The following KIF23 variants were observed in gnomAD, a reference collection of about 807,000 sequenced individuals.
The protein encoded by KIF23 is kinesin family member 23, also known as kinesin-like protein KIF23.
Under a neutral mutation model 137.5 loss-of-function variants are expected in KIF23, and 30 were observed. The observed-to-expected ratio is 0.22, with a 90% CI of 0.16 to 0.30. The LOEUF (loss-of-function observed/expected upper bound fraction) is 0.30. KIF23 is among the 10% of genes least tolerant of loss of function. The probability of loss-of-function intolerance (pLI) is 1.00; values close to 1 mark genes in which losing one functional copy is unlikely to be tolerated. For synonymous variants in KIF23, 367 were observed against 391.1 expected, an observed-to-expected ratio of 0.94 and a Z score of 0.73; for missense variants, 920 against 1,194.3, an observed-to-expected ratio of 0.77 and a Z score of 3.38.
chr15:69,418,567 G>C (rs926886612), intron 3 of KIF23, among the ~76,000 whole-genome samples: 2 of 152,048 alleles, frequency 1.3e-5, no homozygotes, highest in African/African-American at 4.8e-5. Context: ...GCTCCTATCA[G>C]TTATATTCCA....
Position 69,436,154 on chromosome 15 carries a change from C to G in KIF23, c.1331C>G (p.Ala444Gly). 6.2e-7 allele frequency: 1 copy of G among 1,612,904 alleles called. No individual in the cohort carries two copies. The highest frequency in any genetic ancestry group is 8.5e-7 in the Non-Finnish European group (1 of 1,179,654). Residue 444 changes from alanine to glycine, a missense_variant, in exon 14 of 24, where the codon GCG becomes GGG. Physicochemically the swap from Ala to Gly is moderately conservative, Grantham distance 60. Coordinates refer to ENST00000679126, the MANE Select transcript of KIF23 (RefSeq NM_001367805.3). Reference sequence around the variant, plus strand: ...GTGTTTTAGCAAGTCATGAGATTTGCGGAAGTGACTCAAGAAGTTGAAGTA... The same window carrying G: ...GTGTTTTAGCAAGTCATGAGATTTGGGGAAGTGACTCAAGAAGTTGAAGTA... The part of the protein sequence containing the change: ...YEENLQVMRF[A>G]EVTQEVEVAR...
At chr15:69,414,963 G>A (rs1342713451) in intron 1 of KIF23, 1 of 155,870 alleles carries the variant, frequency 6.4e-6, no homozygotes, top group Non-Finnish European at 1.4e-5. Flanking sequence ...GGTGATCGCC[G>A]CTAGCTTTTT....
intron 15 of KIF23, among the ~76,000 whole-genome samples, chr15:69,436,956 T>C (rs954000877): frequency 6.6e-6 from 1 of 152,162 alleles, no homozygotes; most frequent in African/African-American, 2.4e-5. Context: ...GGTTTCGCCA[T>C]GTAGGCCAGG....
chr15:69,416,146 G>C (rs999266892), intron 2 of KIF23, 83 bp downstream of exon 2: 46 of 848,934 alleles, frequency 5.4e-5, no homozygotes, highest in Non-Finnish European at 7.8e-5. Context: ...ATGCTTGGAA[G>C]GGAAAGAAGA....
intron 11 of KIF23, chr15:69,435,082 C>T (rs1007976327): frequency 2.0e-6 from 1 of 494,576 alleles, no homozygotes; most frequent in African/African-American, 1.9e-5. Flanking sequence ...TCCCCCACCC[C>T]CAGAAGCGGG....
intron 10 of KIF23, 70 bp from the exon 11 acceptor site, chr15:69,429,041 G>A: frequency 9.9e-7 from 1 of 1,006,088 alleles, no homozygotes; most frequent in Middle Eastern, 2.1e-4. Flanking sequence ...TTGTTGATAT[G>A]AATCTATTTA....
chr15:69,446,405 G>T (rs2057741127), intron 22 of KIF23, 41 bp downstream of exon 22: 1 of 1,525,926 alleles, frequency 6.6e-7, no homozygotes, highest in Non-Finnish European at 9.1e-7. Context: ...ACTAAAATTA[G>T]GTTTGTCATG....
Position 69,438,172 on chromosome 15 carries a change from T to G in KIF23, c.1598-76T>G, listed in dbSNP as rs2057527382. The G allele has an allele frequency of 2.4e-6, 3 of 1,263,480 alleles. No individual in the cohort carries two copies. In the African/African-American group the frequency reaches 4.5e-5, roughly 19 times the overall value. 78.3% of individuals were successfully genotyped at this position (1,263,480 alleles called of 1,614,324 possible). A position where few individuals can be genotyped will look rare whatever the true frequency, so the allele number is the denominator to read the frequency against. The stretch of plus-strand genomic sequence containing the variant: ...TGCTGAATAACTACATTTTATCTAG[T>G]GTCTGCTAGCAAAAGTTGATATCAT... On this transcript the variant is annotated intron_variant, in intron 15 of 23. Transcript: ENST00000679126.
rs34664771 is a variant in KIF23 at position 69,448,220 on chromosome 15, T to A, written c.*413T>A. On this transcript the variant is annotated 3_prime_UTR_variant, in exon 24 of 24. Coordinates refer to ENST00000679126, the MANE Select transcript of KIF23 (RefSeq NM_001367805.3). ...TTCTCCAGCCCTGGTCTGAATTTCT[T>A]AAGGTTTTATAAACAAATGCTGCTA... 6.5e-6 allele frequency: 1 copy of A among 153,790 alleles called. No individual in the cohort carries two copies. The highest frequency in any genetic ancestry group is 1.5e-5 in the Non-Finnish European group (1 of 68,794). The allele number at this position is 153,790 out of a possible 1,614,324, so 9.5% of individuals were successfully genotyped here.
intron 11 of KIF23, among the ~76,000 whole-genome samples, chr15:69,431,509 G>A (rs2140360738): frequency 6.6e-6 from 1 of 152,216 alleles, no homozygotes; most frequent in East Asian, 1.9e-4. Flanking sequence ...AGCTACTCGG[G>A]AGCCTGAGGC....
intron 2 of KIF23, among the ~76,000 whole-genome samples, chr15:69,416,788 CT>C (rs2056921957): frequency 6.6e-6 from 1 of 152,076 alleles, no homozygotes; most frequent in Non-Finnish European, 1.5e-5. Flanking sequence ...AACCCTGTCT[CT>C]ACTAAAATTA....
chr15:69,445,861 G>T, intron 20 of KIF23, 148 bp from the exon 21 acceptor site: 1 of 619,724 alleles, frequency 1.6e-6, no homozygotes, highest in Admixed American at 3.1e-5. Context: ...TATTTTGATA[G>T]TACGTACTCA....
At position 69,446,088 on chromosome 15, in the gene KIF23, A is replaced by G. The variant is rs760535171; in HGVS notation, c.2753A>G (p.Asn918Ser). The G allele has an allele frequency of 4.3e-6, 7 of 1,611,454 alleles. No individual in the cohort carries two copies. Among genetic ancestry groups the G allele is most frequent in the Non-Finnish European group, 5.9e-6 (7 of 1,177,616 alleles). The change falls in exon 21 of 24, where the codon AAT (asparagine) becomes AGT (serine). Residue 918 changes from asparagine (N) to serine (S), a missense_variant. Transcript: ENST00000679126. ...DIETLKQESP[N>S]GSRKRRSSTV... is the part of the protein sequence containing the mutation. Reference sequence around the variant, plus strand: ...GAGACTTTAAAGCAAGAATCACCAAATGGGTAAGTAACCATCAAAAATCTC... The same window carrying G: ...GAGACTTTAAAGCAAGAATCACCAAGTGGGTAAGTAACCATCAAAAATCTC...
At chr15:69,427,838 A>G (rs1412990327) in intron 10 of KIF23, among the ~76,000 whole-genome samples, 1 of 152,228 alleles carries the variant, frequency 6.6e-6, no homozygotes, top group Admixed American at 6.5e-5. Context: ...GCTCATTTCT[A>G]TTTATTTACC....
At chr15:69,417,359 T>G (rs927318944) in intron 2 of KIF23, 24 bp from the exon 3 acceptor site, 1 of 1,538,038 alleles carries the variant, frequency 6.5e-7, no homozygotes, top group African/African-American at 1.4e-5. Context: ...ACTTTCTTCT[T>G]AAAGCACCTT....
Position 69,446,611 on chromosome 15 carries a change from T to A in KIF23, c.2838+247T>A, listed in dbSNP as rs550990619. 2.0e-4 allele frequency: 122 copies of A among 615,240 alleles called. No homozygotes were observed. The African/African-American group carries it at 2.0e-3, about 10-fold the overall frequency. The allele number at this position is 615,240 out of a possible 1,614,324, so 38.1% of individuals were successfully genotyped here. A position where few individuals can be genotyped will look rare whatever the true frequency, so the allele number is the denominator to read the frequency against. On this transcript the variant is annotated intron_variant, in intron 22 of 23. Coordinates refer to ENST00000679126, the MANE Select transcript of KIF23 (RefSeq NM_001367805.3). ...AGGTAGGGGTCAGGAGGCTAAGCTATGGCCTTAGCCACCAACTCTCTTTGC... is the reference window on the plus strand; with the variant it reads ...AGGTAGGGGTCAGGAGGCTAAGCTAAGGCCTTAGCCACCAACTCTCTTTGC...
intron 11 of KIF23, among the ~76,000 whole-genome samples, chr15:69,431,648 G>A (rs1173309235): frequency 1.3e-5 from 2 of 152,144 alleles, no homozygotes; most frequent in East Asian, 1.9e-4. Flanking sequence ...AAGCAATTGG[G>A]TGAGATAAGA....
intron 1 of KIF23, among the ~76,000 whole-genome samples, chr15:69,415,214 T>A (rs969760938): frequency 3.3e-5 from 5 of 152,188 alleles, no homozygotes; most frequent in Admixed American, 6.5e-5. Flanking sequence ...GTCAAAATCT[T>A]TAGATGAAAA....
chr15:69,419,870 A>T (rs972389763), intron 3 of KIF23, among the ~76,000 whole-genome samples: 4 of 152,218 alleles, frequency 2.6e-5, no homozygotes, highest in Admixed American at 2.0e-4. Flanking sequence ...TCAAGTATGT[A>T]TAAATATAGG....
Sources: allele counts gnomAD v4.1 joint callset (sites outside exome capture counted in the v4.1 genomes callset), GRCh38; gene constraint gnomAD v4.1.1; transcripts MANE v1.5; gene names NCBI Gene and HGNC (gene_info 2026-07-23, HGNC 2026-07-21).